The following NBPF8 variants were observed in gnomAD, a reference collection of about 807,000 sequenced individuals.
NBPF8 encodes the protein NBPF family member NBPF8.
intron 16 of NBPF8, among the ~76,000 whole-genome samples, chr1:120,456,215 G>A (rs1441603618): frequency 1.3e-5 from 2 of 151,314 alleles, no homozygotes; most frequent in South Asian, 2.1e-4. Flanking sequence ...TAAGTGTGAT[G>A]TGGTGCTGAG....
At chr1:120,463,051 AC>A (rs1485467991) in intron 21 of NBPF8, 85 bp downstream of exon 19, 2 of 630,014 alleles carry the variant, frequency 3.2e-6, no homozygotes, top group Non-Finnish European at 2.8e-6. Flanking sequence ...GCCCTTACTG[AC>A]CCGAGAGATG....
upstream of NBPF8, among the ~76,000 whole-genome samples, chr1:120,434,544 C>T (rs1661018263): frequency 6.7e-6 from 1 of 150,248 alleles, no homozygotes; most frequent in Non-Finnish European, 1.5e-5. Context: ...GTGTGATGTT[C>T]CCCGTCCTGT....
intron 12 of NBPF8, among the ~76,000 whole-genome samples, chr1:120,451,817 A>T (rs1661282542): frequency 6.7e-6 from 1 of 150,144 alleles, no homozygotes; most frequent in Non-Finnish European, 1.5e-5. Flanking sequence ...CCATGGCCAG[A>T]GTGAGGAACT....
chr1:120,424,602 C>A (rs1348523287), intron 1 of NBPF8, among the ~76,000 whole-genome samples: 1 of 152,078 alleles, frequency 6.6e-6, no homozygotes, highest in East Asian at 1.9e-4. Flanking sequence ...CGCCTGCCAC[C>A]ACACCTGGCT....
At chr1:120,428,169 A>G (rs1410484312) in intron 3 of NBPF8, among the ~76,000 whole-genome samples, 16 of 152,078 alleles carry the variant, frequency 1.1e-4, no homozygotes, top group African/African-American at 3.6e-4. Flanking sequence ...CCCTTTATGT[A>G]CATAGAAAAT....
chr1:120,418,801 G>A (rs1660494835), upstream of NBPF8, among the ~76,000 whole-genome samples: 1 of 149,436 alleles, frequency 6.7e-6, no homozygotes, highest in African/African-American at 2.5e-5. Context: ...TCCCACCTTG[G>A]CATCTCAAAG....
intron 11 of NBPF8, among the ~76,000 whole-genome samples, chr1:120,450,255 A>C (rs1252528438): frequency 2.0e-5 from 3 of 152,042 alleles, no homozygotes; most frequent in Non-Finnish European, 4.4e-5. Context: ...ATAAATAAAA[A>C]TAAGAATAAA....
chr1:120,451,995 A>G (rs1263209965), intron 12 of NBPF8, 122 bp from the exon 11 acceptor site: 15 of 1,092,892 alleles, frequency 1.4e-5, no homozygotes, highest in Admixed American at 1.7e-5. Context: ...TCCTTTCAAC[A>G]TGTGCTGACC....
exon 20 of NBPF8, chr1:120,462,189 A>C: frequency 1.8e-6 from 1 of 555,852 alleles, no homozygotes. Flanking sequence ...AAGACCCATC[A>C]TGCCCCAGGT....
At position 120,460,743 on chromosome 1, in the gene NBPF8, G is replaced by C. The variant is rs1291675256; in HGVS notation, n.2836+119G>C. The C allele has an allele frequency of 3.1e-6, 3 of 983,092 alleles. No individual in the cohort carries two copies. In the African/African-American group the frequency reaches 4.7e-5, roughly 15 times the overall value. 60.9% of individuals were successfully genotyped at this position (983,092 alleles called of 1,614,324 possible). ...GTCTTGTCAGACAAGTCTGAATTAC[G>C]CCTACTACATTGCTTTTTGGTTCTC... On this transcript the variant is annotated intron_variant and non_coding_transcript_variant, in intron 18 of 24. Coordinates refer to ENST00000583271, the Ensembl canonical transcript of NBPF8.
chr1:120,456,592 C>CT (rs1217258155), intron 16 of NBPF8, among the ~76,000 whole-genome samples: 4 of 131,608 alleles, frequency 3.0e-5, no homozygotes, highest in African/African-American at 3.4e-5. Context: ...CAACCCCTGC[C>CT]TTTTTTTGTT....
intron 1 of NBPF8, among the ~76,000 whole-genome samples, chr1:120,421,498 C>T (rs1372201341): frequency 0.059 from 8,807 of 148,930 alleles, 548 homozygotes; most frequent in African/African-American, 0.16. Context: ...CTGCCTTCCT[C>T]CCTCCCTCCC....
rs1553248914 is a variant in NBPF8 at position 120,452,079 on chromosome 1, C to T, written n.2075-38C>T. 154 of 1,442,360 alleles carry T rather than the reference C, an allele frequency of 1.1e-4. No individual in the cohort carries two copies. The African/African-American group carries it at 2.0e-3, about 18-fold the overall frequency. The allele number at this position is 1,442,360 out of a possible 1,614,324, so 89.3% of individuals were successfully genotyped here. A position where few individuals can be genotyped will look rare whatever the true frequency, so the allele number is the denominator to read the frequency against. On this transcript the variant is annotated intron_variant and non_coding_transcript_variant, in intron 12 of 24. Transcript: ENST00000583271. ...CAATATTTGAGCGGATCACTCAACC[C>T]TTTCCACTCTTAAATTTTCTCTACC...
downstream of NBPF8, chr1:120,467,831 A>C (rs1661781830): frequency 6.6e-6 from 1 of 152,200 alleles, no homozygotes; most frequent in African/African-American, 2.4e-5. Flanking sequence ...ATTAATAAAA[A>C]CATTTCATTT....
upstream of NBPF8, among the ~76,000 whole-genome samples, chr1:120,415,289 G>T (rs1180209277): frequency 6.6e-6 from 1 of 152,174 alleles, no homozygotes; most frequent in South Asian, 2.1e-4. Context: ...AAGGCGCCGC[G>T]CCAGGCCGGG....
In NBPF8 at chr1:120,462,985, A is replaced by T. The variant is rs1661634486; in HGVS notation, n.3234+19A>T. The T allele has an allele frequency of 5.3e-6, 3 of 568,284 alleles. No homozygotes were observed. The highest frequency in any genetic ancestry group is 9.2e-6 in the Non-Finnish European group (3 of 327,204). The allele number at this position is 568,284 out of a possible 1,614,324, so 35.2% of individuals were successfully genotyped here. A position where few individuals can be genotyped will look rare whatever the true frequency, so the allele number is the denominator to read the frequency against. The stretch of plus-strand genomic sequence containing the variant: ...GTGGACAGTGAGTACCTTACTATGA[A>T]GGTGATAAGCCTCCACCTGGTCTTC... On this transcript the variant is annotated intron_variant and non_coding_transcript_variant, in intron 21 of 24. Transcript: ENST00000583271.
chr1:120,429,531 A>G (rs1660815799), intron 3 of NBPF8, among the ~76,000 whole-genome samples: 5 of 152,210 alleles, frequency 3.3e-5, no homozygotes, highest in South Asian at 4.1e-4. Flanking sequence ...TTGGCTGTCT[A>G]GAGACATGGC....
chr1:120,454,544 C>T (rs1444395618), intron 15 of NBPF8, among the ~76,000 whole-genome samples: 1 of 152,046 alleles, frequency 6.6e-6, no homozygotes, highest in Non-Finnish European at 1.5e-5. Context: ...ATCTGGATCT[C>T]CTTTAAGTCA....
upstream of NBPF8, among the ~76,000 whole-genome samples, chr1:120,434,639 C>G (rs1451389218): frequency 2.0e-5 from 3 of 151,562 alleles, no homozygotes; most frequent in African/African-American, 4.9e-5. Context: ...AAAACAGACA[C>G]CAATGCCCTT....
Sources: gnomAD v4.1 joint callset for allele counts (sites outside exome capture counted in the v4.1 genomes callset) on GRCh38, gnomAD v4.1.1 for gene constraint, MANE v1.5 for transcripts, NCBI Gene and HGNC (gene_info 2026-07-23, HGNC 2026-07-21) for gene names.